The following MAN1C1 variants were observed in gnomAD, a reference collection of about 807,000 sequenced individuals.
MAN1C1 encodes mannosidase alpha class 1C member 1.
Under a neutral mutation model 71.5 loss-of-function variants are expected in MAN1C1, and 49 were observed. That is an observed-to-expected ratio of 0.69 (90% CI 0.54 to 0.87). The LOEUF (loss-of-function observed/expected upper bound fraction) is 0.87. Among genes scored for constraint, MAN1C1 ranks in the 40% least tolerant of loss-of-function variants. The probability of loss-of-function intolerance (pLI) is 0.00; values close to 1 mark genes in which losing one functional copy is unlikely to be tolerated. For missense variants in MAN1C1, 743 were observed against 835.0 expected (o/e 0.89, Z 1.36); for synonymous variants, 352 against 343.7 (o/e 1.02, Z -0.27).
At chr1:25,758,770 G>A in intron 6 of MAN1C1, 61 bp downstream of exon 6, 1 of 1,476,088 alleles carries the variant, frequency 6.8e-7, no homozygotes, top group Non-Finnish European at 9.5e-7. Context: ...GGCTGCCACA[G>A]GGTTTTCAGA....
chr1:25,731,491 A>G lies in MAN1C1; in HGVS notation c.638-15177A>G, dbSNP rs538878950. On this transcript the variant is annotated intron_variant, in intron 2 of 11. Coordinates refer to ENST00000374332, the MANE Select transcript of MAN1C1 (RefSeq NM_020379.4). ...CGTCTACATTATCTGCATTTCACAG[A>G]GGAGGATGTTGAGGCTCATGAGATA... Among the ~76,000 whole-genome samples the G allele has an allele frequency of 2.6e-5, 4 of 152,300 alleles. No homozygotes were observed. The East Asian group carries it at 7.7e-4, about 29-fold the overall frequency.
At chr1:25,656,095 C>CTGTTTTTTTTTTTT (rs2045760978) in intron 1 of MAN1C1, among the ~76,000 whole-genome samples, 1 of 74,988 alleles carries the variant, frequency 1.3e-5, no homozygotes, top group Non-Finnish European at 2.2e-5. Context: ...GATTATCAGT[C>CTGTTTTTTTTTTTT]TTTTTTTTTT....
intron 2 of MAN1C1, among the ~76,000 whole-genome samples, chr1:25,700,687 ACAGTTCAGTGC>A (rs1398634330): frequency 6.6e-6 from 1 of 152,258 alleles, no homozygotes; most frequent in African/African-American, 2.4e-5. Flanking sequence ...AAAGTTCCCC[ACAGTTCAGTGC>A]CAGGGAATCA....
intron 6 of MAN1C1, chr1:25,759,807 A>G (rs2047337713): frequency 6.6e-6 from 1 of 152,226 alleles, no homozygotes; most frequent in South Asian, 2.1e-4. Context: ...AAGAAGCTCA[A>G]GAAGAGCTGT....
chr1:25,752,153 C>T (rs1341128473), intron 4 of MAN1C1, among the ~76,000 whole-genome samples: 3 of 152,124 alleles, frequency 2.0e-5, no homozygotes, highest in Non-Finnish European at 4.4e-5. Flanking sequence ...CAGCTGCACA[C>T]GTGAGGTTGG....
intron 5 of MAN1C1, among the ~76,000 whole-genome samples, chr1:25,754,792 G>A (rs1250878998): frequency 6.6e-6 from 1 of 152,138 alleles, no homozygotes; most frequent in Non-Finnish European, 1.5e-5. Context: ...CTCAGAGCAG[G>A]GACCTGATCT....
Position 25,783,731 on chromosome 1 carries a change from C to T in MAN1C1, c.1835C>T (p.Ala612Val), listed in dbSNP as rs1295744475. The part of the protein sequence containing the change: ...SLEDWVFNTE[A>V]HPLPVNHSDS... ...GAAGACTGGGTGTTCAACACCGAGG[C>T]CCACCCACTCCCGGTGAACCACTCA... The change falls in exon 12 of 12, where the codon GCC becomes GTC. Residue 612 changes from alanine to valine, a missense_variant. Physicochemically the swap from Ala to Val is moderately conservative, Grantham distance 64. Transcript: ENST00000374332. The T allele has an allele frequency of 1.2e-6, 2 of 1,613,194 alleles. No individual in the cohort carries two copies. The highest frequency in any genetic ancestry group is 1.7e-6 in the Non-Finnish European group (2 of 1,179,988).
At chr1:25,708,234 G>A (rs990440831) in intron 2 of MAN1C1, among the ~76,000 whole-genome samples, 3 of 152,216 alleles carry the variant, frequency 2.0e-5, no homozygotes, top group African/African-American at 7.2e-5. Flanking sequence ...CAGGGAAGGG[G>A]TGGGCAATTC....
rs2047626217 is a variant in MAN1C1, at chr1:25,776,912, T to C, written c.1258-1193T>C. ...TAATTCTCACAACCCTATGAGGCAG[T>C]TAATGCTCTTATCCCCAGTTTACAC... is the stretch of plus-strand genomic sequence containing the variant. On this transcript the variant is annotated intron_variant, in intron 8 of 11. Transcript: ENST00000374332. This position sits in a 1 kb window ranked among gnomAD's most constrained non-coding sequence, Gnocchi z 4.3. Among the ~76,000 whole-genome samples, 1 of 152,076 alleles carries C rather than the reference T, an allele frequency of 6.6e-6. No individual in the cohort carries two copies. Among genetic ancestry groups the C allele is most frequent in the Non-Finnish European group, 1.5e-5 (1 of 68,014 alleles).
rs947906317 is a variant in MAN1C1, at chr1:25,758,477, CT to C, written c.930-114del. Reference sequence around the variant, plus strand: ...CACTGAAATTGTACGGCGAAAGCTCCTGGTTCCATGCCTGTCACATAGTAGG... The same window carrying C: ...CACTGAAATTGTACGGCGAAAGCTCCGGTTCCATGCCTGTCACATAGTAGG... On this transcript the variant is annotated intron_variant, in intron 5 of 11. Transcript: ENST00000374332. The C allele has an allele frequency of 5.9e-6, 5 of 842,492 alleles. No homozygotes were observed. The African/African-American group carries it at 8.3e-5, about 14-fold the overall frequency. 52.2% of individuals were successfully genotyped at this position (842,492 alleles called of 1,614,324 possible). A position where few individuals can be genotyped will look rare whatever the true frequency, so the allele number is the denominator to read the frequency against.
chr1:25,631,588 A>G lies in MAN1C1; in HGVS notation c.540+13251A>G, dbSNP rs572683763. ...GTTAGACCATCCCTGCATCCCTGCT[A>G]TGAAACCCACTTGATCATGGTGTAT... On this transcript the variant is annotated intron_variant, in intron 1 of 11. Coordinates refer to ENST00000374332, the MANE Select transcript of MAN1C1 (RefSeq NM_020379.4). This position sits in a 1 kb window ranked among gnomAD's most constrained non-coding sequence, Gnocchi z 4.2. Among the ~76,000 whole-genome samples the G allele has an allele frequency of 6.6e-6, 1 of 152,308 alleles. No homozygotes were observed. Among genetic ancestry groups the G allele is most frequent in the South Asian group, 2.1e-4 (1 of 4,822 alleles).
rs949196248 is a variant in MAN1C1 at position 25,617,135 on chromosome 1, G to T, written c.-663G>T. ...CCCCTGCCCCCGCAGGCTCGGAAGT[G>T]CCTGCTCCTGCTCCCTGGCCACTCC... On this transcript the variant is annotated 5_prime_UTR_variant, in exon 1 of 12. Transcript: ENST00000374332. This position sits in a 1 kb window ranked among gnomAD's most constrained non-coding sequence, Gnocchi z 5.1. 6.6e-6 allele frequency among the ~76,000 whole-genome samples: 1 copy of T among 151,892 alleles called. No individual in the cohort carries two copies. Among genetic ancestry groups the T allele is most frequent in the African/African-American group, 2.4e-5 (1 of 41,400 alleles).
intron 1 of MAN1C1, among the ~76,000 whole-genome samples, chr1:25,662,731 A>C (rs1045010699): frequency 6.6e-6 from 1 of 152,140 alleles, no homozygotes; most frequent in Non-Finnish European, 1.5e-5. Flanking sequence ...CAAGTTCAAG[A>C]CCAGCCTGGC....
chr1:25,738,651 T>C (rs1274272920), intron 2 of MAN1C1, among the ~76,000 whole-genome samples: 1 of 152,190 alleles, frequency 6.6e-6, no homozygotes, highest in Non-Finnish European at 1.5e-5. Context: ...GGTGGTAGTA[T>C]TATCTGGAAG....
At chr1:25,738,453 C>T (rs77082762) in intron 2 of MAN1C1, among the ~76,000 whole-genome samples, 1,623 of 152,318 alleles carry the variant, frequency 0.011, 24 homozygotes, top group African/African-American at 0.035. Context: ...CAAAAACATT[C>T]CAGTTGCTAT....
chr1:25,681,869 G>A (rs2046159703), intron 1 of MAN1C1, among the ~76,000 whole-genome samples: 1 of 151,888 alleles, frequency 6.6e-6, no homozygotes, highest in Non-Finnish European at 1.5e-5. Flanking sequence ...TGATTTGCAA[G>A]CATTTAGGAT....
chr1:25,775,232 G>A lies in MAN1C1; in HGVS notation c.1258-2873G>A, dbSNP rs187233967. On this transcript the variant is annotated intron_variant, in intron 8 of 11. Transcript: ENST00000374332. The surrounding 1 kb of genome is among the most constrained non-coding windows in gnomAD (Gnocchi z 5.1). Reference sequence around the variant, plus strand: ...GCAGGCTTAGTGACGCCGAGCAGCTGCCAGGGACATGGCTCTGCCCGGGAG... The same window carrying A: ...GCAGGCTTAGTGACGCCGAGCAGCTACCAGGGACATGGCTCTGCCCGGGAG... 8.9e-3 allele frequency among the ~76,000 whole-genome samples: 1,356 copies of A among 152,352 alleles called. 8 individuals are homozygous for A. The highest frequency in any genetic ancestry group is 0.016 in the South Asian group (75 of 4,820).
intron 6 of MAN1C1, chr1:25,759,756 A>T (rs541855710): frequency 2.0e-5 from 3 of 152,238 alleles, no homozygotes; most frequent in South Asian, 4.1e-4. Flanking sequence ...ATGGTTTGGG[A>T]CCACTACTTA....
rs566340850 is a variant in MAN1C1 at position 25,779,601 on chromosome 1, G to A, written c.1477+1277G>A. 4.6e-5 allele frequency among the ~76,000 whole-genome samples: 7 copies of A among 152,328 alleles called. No homozygotes were observed. The highest frequency in any genetic ancestry group is 7.2e-5 in the African/African-American group (3 of 41,584). Reference sequence around the variant, plus strand: ...TCAGCCCAGACCATAAAAGACAGCCGCTTAATAAAGCATATTGTTCTAGCC... The same window carrying A: ...TCAGCCCAGACCATAAAAGACAGCCACTTAATAAAGCATATTGTTCTAGCC... On this transcript the variant is annotated intron_variant, in intron 9 of 11. Transcript: ENST00000374332. The surrounding 1 kb of genome is among the most constrained non-coding windows in gnomAD (Gnocchi z 4.6).
Sources: gnomAD v4.1 joint callset for allele counts (sites outside exome capture counted in the v4.1 genomes callset) on GRCh38, gnomAD v4.1.1 for gene constraint, Gnocchi (gnomAD v3.1) non-coding constraint, MANE v1.5 for transcripts, NCBI Gene and HGNC (gene_info 2026-07-23, HGNC 2026-07-21) for gene names.